Variants in RNF6 observed in about 807,000 individuals in gnomAD.
RNF6 encodes ring finger protein 6, also known as E3 ubiquitin-protein ligase RNF6.
A neutral mutation model predicts 50.1 loss-of-function variants in RNF6; 21 were observed. That is an observed-to-expected ratio of 0.42 (90% CI 0.30 to 0.60). The LOEUF (loss-of-function observed/expected upper bound fraction) is 0.60, where lower values mean the gene tolerates loss of function less well. Among genes scored for constraint, RNF6 ranks in the 20% least tolerant of loss-of-function variants. The pLI, the probability that RNF6 is intolerant of heterozygous loss-of-function variation, is 0.20. For synonymous variants in RNF6, 255 were observed against 291.8 expected (o/e 0.87, Z 1.29); for missense variants, 698 against 838.2 (o/e 0.83, Z 2.07).
chr13:26,187,189 G>A (rs541659411), intron 5 of RNF6, among the ~76,000 whole-genome samples: 3 of 152,264 alleles, frequency 2.0e-5, no homozygotes, highest in African/African-American at 7.2e-5. Flanking sequence ...GGCTTGTACC[G>A]CCACCTTGGG....
intron 5 of RNF6, among the ~76,000 whole-genome samples, chr13:26,143,530 T>A (rs1871069497): frequency 6.6e-6 from 1 of 152,134 alleles, no homozygotes; most frequent in Non-Finnish European, 1.5e-5. Context: ...AAGAAAACTT[T>A]TGCTAGTGAC....
chr13:26,191,008 A>C (rs1868430858), intron 5 of RNF6, among the ~76,000 whole-genome samples: 1 of 152,212 alleles, frequency 6.6e-6, no homozygotes, highest in Non-Finnish European at 1.5e-5. Flanking sequence ...CAGAATCATC[A>C]TCCAGCTCCA....
chr13:26,215,342 ATC>A lies in RNF6; in HGVS notation c.538_539del (p.Asp180SerfsTer5), dbSNP rs2137760421. ...TDIPLSDSNR[D>X]HTANRQQRST... ...ACCTTTGTTGCCTATTTGCAGTATG[ATC>A]TCTGTTACTATCTGAAAGTGGAATG... On this transcript the variant is annotated frameshift_variant, in exon 5 of 5. Coordinates refer to ENST00000381588, the MANE Select transcript of RNF6 (RefSeq NM_005977.4). LOFTEE classifies it high-confidence loss of function. 1 of 1,614,132 alleles carries A rather than the reference ATC, an allele frequency of 6.2e-7. No individual in the cohort carries two copies. Among genetic ancestry groups the A allele is most frequent in the Non-Finnish European group, 8.5e-7 (1 of 1,180,028 alleles).
In RNF6 at chr13:26,147,830, T is replaced by C. The variant is rs139630066; in HGVS notation, n.769-15379A>G. 7.2e-5 allele frequency among the ~76,000 whole-genome samples: 11 copies of C among 152,364 alleles called. No homozygotes were observed. In the East Asian group the frequency reaches 2.1e-3, roughly 29 times the overall value. Reference sequence around the variant, plus strand: ...CACAAGAAAGCTTTCAGGTCATTTATGTGGCACTTTAGCTGGAAATTCAAA... The same window carrying C: ...CACAAGAAAGCTTTCAGGTCATTTACGTGGCACTTTAGCTGGAAATTCAAA... On this transcript the variant is annotated intron_variant and non_coding_transcript_variant, in intron 5 of 5. Coordinates refer to the RNF6 transcript ENST00000468480.
intron 5 of RNF6, among the ~76,000 whole-genome samples, chr13:26,193,978 G>A (rs1474693120): frequency 3.3e-5 from 5 of 152,054 alleles, no homozygotes; most frequent in Admixed American, 1.3e-4. Flanking sequence ...GAATAAGAAC[G>A]GAACAGAAAG....
At chr13:26,140,060 T>C (rs1490086723) in intron 5 of RNF6, among the ~76,000 whole-genome samples, 2 of 152,222 alleles carry the variant, frequency 1.3e-5, no homozygotes, top group Non-Finnish European at 2.9e-5. Context: ...AAAATATGTC[T>C]ACAAACTTGC....
At chr13:26,218,462 G>A in intron 4 of RNF6, 49 bp downstream of exon 4, 1 of 1,417,770 alleles carries the variant, frequency 7.1e-7, no homozygotes, top group East Asian at 2.3e-5. Context: ...TTTCATTTCT[G>A]CAAGTGCTCC....
chr13:26,219,383 C>A, intron 3 of RNF6, 74 bp downstream of exon 3: 6 of 1,216,324 alleles, frequency 4.9e-6, no homozygotes, highest in Admixed American at 2.3e-5. Flanking sequence ...AAAAGAATAC[C>A]AATTCTCCTT....
intron 5 of RNF6, among the ~76,000 whole-genome samples, chr13:26,145,780 G>C (rs570109518): frequency 6.6e-6 from 1 of 152,198 alleles, no homozygotes; most frequent in Non-Finnish European, 1.5e-5. Context: ...AGGATTGCAG[G>C]ATTGCTTTTG....
At chr13:26,221,599 C>G (rs1284417634) in intron 1 of RNF6, 1 of 152,332 alleles carries the variant, frequency 6.6e-6, no homozygotes, top group African/African-American at 2.4e-5. Context: ...TCCTTCCTAT[C>G]CCGTTCCCAT....
downstream of RNF6, among the ~76,000 whole-genome samples, chr13:26,209,732 TGGATTA>T (rs1372126206): frequency 5.3e-5 from 8 of 152,298 alleles, no homozygotes; most frequent in Admixed American, 3.9e-4. Flanking sequence ...AGAAGGTGGC[TGGATTA>T]GGATTAAGTA....
chr13:26,141,281 A>G (rs984650724), intron 5 of RNF6, among the ~76,000 whole-genome samples: 3 of 152,194 alleles, frequency 2.0e-5, no homozygotes, highest in Non-Finnish European at 4.4e-5. Flanking sequence ...TACAAAAATT[A>G]GCTGGGCGTG....
intron 5 of RNF6, chr13:26,142,248 A>G (rs1217306983): frequency 6.6e-6 from 1 of 152,180 alleles, no homozygotes; most frequent in East Asian, 1.9e-4. Flanking sequence ...GTGAGCCTGC[A>G]GAGAAAAGGG....
intron 5 of RNF6, among the ~76,000 whole-genome samples, chr13:26,149,809 T>A (rs118046009): frequency 0.013 from 1,887 of 146,652 alleles, 27 homozygotes; most frequent in South Asian, 0.02. Context: ...CATTAGCTTG[T>A]CTGTGCCTCA....
intron 5 of RNF6, among the ~76,000 whole-genome samples, chr13:26,151,174 C>G (rs1354115935): frequency 6.6e-6 from 1 of 152,150 alleles, no homozygotes; most frequent in Non-Finnish European, 1.5e-5. Context: ...TTGTAGGATA[C>G]TTTTATTACA....
chr13:26,208,749 T>C (rs1220813196), downstream of RNF6, among the ~76,000 whole-genome samples: 2 of 152,074 alleles, frequency 1.3e-5, no homozygotes, highest in Admixed American at 6.6e-5. Flanking sequence ...CTGATCCCAA[T>C]TGGTTGGAGT....
intron 5 of RNF6, among the ~76,000 whole-genome samples, chr13:26,140,284 T>C (rs903088886): frequency 6.6e-6 from 1 of 152,210 alleles, no homozygotes; most frequent in Non-Finnish European, 1.5e-5. Flanking sequence ...CAATGAACGA[T>C]TCGTGAATTG....
intron 5 of RNF6, among the ~76,000 whole-genome samples, chr13:26,169,003 A>G (rs1221613987): frequency 6.6e-6 from 1 of 152,108 alleles, no homozygotes; most frequent in Non-Finnish European, 1.5e-5. Flanking sequence ...TCCTTGTCTG[A>G]AAACCAAAAC....
chr13:26,168,539 A>G (rs1361560967), intron 5 of RNF6, among the ~76,000 whole-genome samples: 1 of 152,160 alleles, frequency 6.6e-6, no homozygotes. Context: ...TATCTGATGA[A>G]GTTTTGCAGA....
Sources: gnomAD v4.1 joint callset for allele counts (sites outside exome capture counted in the v4.1 genomes callset) on GRCh38, gnomAD v4.1.1 for gene constraint, MANE v1.5 for transcripts, NCBI Gene and HGNC (gene_info 2026-07-23, HGNC 2026-07-21) for gene names.